LRRC4B: variants seen among roughly 807,000 people sequenced by gnomAD.
LRRC4B encodes the protein leucine rich repeat containing 4B.
In LRRC4B, 1 loss-of-function variant was observed where a neutral mutation model predicts 7.3. That is an observed-to-expected ratio of 0.14 (90% CI 0.05 to 0.65). LRRC4B has a LOEUF of 0.65. Ranked by LOEUF, LRRC4B falls within the 30% of genes least tolerant of loss-of-function variation. The pLI is 0.84. For synonymous variants in LRRC4B, 500 were observed against 499.2 expected (o/e 1.00, Z -0.02); for missense variants, 730 against 1,041.6 (o/e 0.70, Z 4.12).
intron 1 of LRRC4B, among the ~76,000 whole-genome samples, chr19:50,551,638 C>T (rs1032987709): frequency 1.4e-5 from 2 of 146,242 alleles, no homozygotes; most frequent in South Asian, 2.3e-4. Context: ...TTGCCTCCCT[C>T]GGGACCCCCA....
Position 50,555,016 on chromosome 19 carries a change from C to T in LRRC4B, c.-35-6143G>A, listed in dbSNP as rs929279681. Among the ~76,000 whole-genome samples, 9 of 152,200 alleles carry T rather than the reference C, an allele frequency of 5.9e-5. No homozygotes were observed. Among genetic ancestry groups the T allele is most frequent in the Admixed American group, 6.5e-5 (1 of 15,282 alleles). ...CCCTTCCTCAGCCCCTGCAGTCACC[C>T]GCACTGCACAGGATATCACACGCCC... is the stretch of plus-strand genomic sequence containing the variant. On this transcript the variant is annotated intron_variant, in intron 1 of 2. Coordinates refer to ENST00000652263, the MANE Select transcript of LRRC4B (RefSeq NM_001080457.2). The surrounding 1 kb of genome is among the most constrained non-coding windows in gnomAD (Gnocchi z 5.2).
intron 1 of LRRC4B, among the ~76,000 whole-genome samples, chr19:50,552,222 CA>C (rs1366312659): frequency 1.3e-5 from 2 of 150,672 alleles, no homozygotes; most frequent in South Asian, 2.1e-4. Context: ...TCACACCCCC[CA>C]CTGGGTCTAG....
intron 2 of LRRC4B, among the ~76,000 whole-genome samples, chr19:50,535,906 G>A: frequency 6.6e-6 from 1 of 152,228 alleles, no homozygotes; most frequent in Non-Finnish European, 1.5e-5. Flanking sequence ...GAACCTGGGT[G>A]TAAACAACAA....
chr19:50,548,839 C>A lies in LRRC4B; in HGVS notation c.-1G>T. On this transcript the variant is annotated 5_prime_UTR_variant, in exon 2 of 3. Coordinates refer to ENST00000652263, the MANE Select transcript of LRRC4B (RefSeq NM_001080457.2). The surrounding 1 kb of genome is among the most constrained non-coding windows in gnomAD (Gnocchi z 6.8). ...ACGGGGAGCCGCGGGCACGCGCCAT[C>A]CTCAATGTTCATGCTCCGCGTGGAC... The A allele has an allele frequency of 6.8e-7, 1 of 1,468,968 alleles. No homozygotes were observed. Among genetic ancestry groups the A allele is most frequent in the Non-Finnish European group, 9.0e-7 (1 of 1,115,574 alleles). The allele number at this position is 1,468,968 out of a possible 1,614,324, so 91.0% of individuals were successfully genotyped here. A position where few individuals can be genotyped will look rare whatever the true frequency, so the allele number is the denominator to read the frequency against.
chr19:50,537,670 C>T lies in LRRC4B; in HGVS notation c.297+10872G>A, dbSNP rs573711973. ...TTTAACAGGTGTGAGCCACCGCGCC[C>T]GGCCGACTGTTCTTTTCTGTAAGTG... On this transcript the variant is annotated intron_variant, in intron 2 of 2. Transcript: ENST00000652263. The surrounding 1 kb of genome is among the most constrained non-coding windows in gnomAD (Gnocchi z 5.5). Among the ~76,000 whole-genome samples the T allele has an allele frequency of 1.1e-3, 163 of 152,280 alleles. 1 individual carries two copies. The highest frequency in any genetic ancestry group is 3.7e-3 in the African/African-American group (153 of 41,554).
At chr19:50,564,739 A>G (rs969512342) in intron 1 of LRRC4B, among the ~76,000 whole-genome samples, 16 of 151,876 alleles carry the variant, frequency 1.1e-4, no homozygotes, top group Non-Finnish European at 2.9e-5. Flanking sequence ...AAATGCAGGG[A>G]GAGAGGATGG....
intron 2 of LRRC4B, among the ~76,000 whole-genome samples, chr19:50,522,878 T>C (rs1150922): frequency 0.15 from 23,106 of 152,262 alleles, 2,418 homozygotes; most frequent in East Asian, 0.53. Flanking sequence ...ATAAAACCTA[T>C]ACTATCTATT....
At position 50,530,939 on chromosome 19, in the gene LRRC4B, G is replaced by T. The variant is rs969362385; in HGVS notation, c.298-11524C>A. On this transcript the variant is annotated intron_variant, in intron 2 of 2. Coordinates refer to ENST00000652263, the MANE Select transcript of LRRC4B (RefSeq NM_001080457.2). ...TTTTAGTAGAAACCTGGGGGGGGGG[G>T]GTCTCTCTATGTTGGTCAGGCTGGT... Among the ~76,000 whole-genome samples the T allele has an allele frequency of 5.4e-5, 8 of 148,738 alleles. No individual in the cohort carries two copies. The East Asian group carries it at 6.0e-4, about 11-fold the overall frequency.
rs1981352352 is a variant in LRRC4B, at chr19:50,537,773, T to G, written c.297+10769A>C. ...AATCCTATTTGAAAAGGGTAGAAACTGAGGCTCGGAGTGGTGACAAGGATT... is the reference window on the plus strand; with the variant it reads ...AATCCTATTTGAAAAGGGTAGAAACGGAGGCTCGGAGTGGTGACAAGGATT... On this transcript the variant is annotated intron_variant, in intron 2 of 2. Coordinates refer to ENST00000652263, the MANE Select transcript of LRRC4B (RefSeq NM_001080457.2). This position sits in a 1 kb window ranked among gnomAD's most constrained non-coding sequence, Gnocchi z 5.5. Among the ~76,000 whole-genome samples, 1 of 152,078 alleles carries G rather than the reference T, an allele frequency of 6.6e-6. No homozygotes were observed. The highest frequency in any genetic ancestry group is 2.1e-4 in the South Asian group (1 of 4,818).
chr19:50,518,947 G>A lies in LRRC4B; in HGVS notation c.766C>T (p.Arg256Cys), dbSNP rs748473705. ...PGSFQGLTSL[R>C]KLWLMHAQVA... is the part of the protein sequence containing the mutation. ...TGGGCGTGCATGAGCCACAGCTTGC[G>A]CAGGCTGGTGAGACCCTGGAAGGAG... The change falls in exon 3 of 3, where the codon CGC becomes TGC. Residue 256 changes from arginine to cysteine, a missense_variant. Around this residue, in one of 6 missense-constraint regions of LRRC4B, gnomAD observed 226 missense variants for 448.0 expected, o/e 0.50. Transcript: ENST00000652263. 2 of 1,613,898 alleles carry A rather than the reference G, an allele frequency of 1.2e-6. No homozygotes were observed. The highest frequency in any genetic ancestry group is 1.1e-5 in the South Asian group (1 of 91,082).
chr19:50,549,363 G>A (rs1981955877), intron 1 of LRRC4B, among the ~76,000 whole-genome samples: 1 of 152,186 alleles, frequency 6.6e-6, no homozygotes, highest in African/African-American at 2.4e-5. Context: ...CTTGCCACCT[G>A]CGTGATCACC....
rs1259102177 is a variant in LRRC4B at position 50,563,679 on chromosome 19, A to G, written c.-36+4265T>C. Among the ~76,000 whole-genome samples, 1 of 152,206 alleles carries G rather than the reference A, an allele frequency of 6.6e-6. No individual in the cohort carries two copies. Among genetic ancestry groups the G allele is most frequent in the Non-Finnish European group, 1.5e-5 (1 of 68,020 alleles). On this transcript the variant is annotated intron_variant, in intron 1 of 2. Coordinates refer to ENST00000652263, the MANE Select transcript of LRRC4B (RefSeq NM_001080457.2). The surrounding 1 kb of genome is among the most constrained non-coding windows in gnomAD (Gnocchi z 4.9). ...GGCTGTGATGCCACATGCTGGGGAC[A>G]AGAGTGTGGGGTCTGTGGCCCACCC...
chr19:50,562,449 T>C (rs2122932039), intron 1 of LRRC4B, among the ~76,000 whole-genome samples: 1 of 152,318 alleles, frequency 6.6e-6, no homozygotes, highest in Non-Finnish European at 1.5e-5. Flanking sequence ...ATGCTCTCAA[T>C]CAGTTAGCTA....
chr19:50,540,445 C>G (rs571017341), intron 2 of LRRC4B, among the ~76,000 whole-genome samples: 17 of 152,274 alleles, frequency 1.1e-4, no homozygotes, highest in Non-Finnish European at 1.9e-4. Context: ...ACACTACAAC[C>G]TCCGCCTCTC....
rs1312169854 is a variant in LRRC4B at position 50,517,659 on chromosome 19, C to T, written c.2054G>A (p.Gly685Asp). Reference sequence around the variant, plus strand: ...GGAGTTGAGGCCAGGCGGGCCTTTGCCCCCGCAGCCCCCGCCGCTGGGGTT... The same window carrying T: ...GGAGTTGAGGCCAGGCGGGCCTTTGTCCCCGCAGCCCCCGCCGCTGGGGTT... ...SSNPSGGGCG[G>D]KGPPGLNSIH... The change falls in exon 3 of 3, where the codon GGC becomes GAC. Residue 685 changes from glycine (G) to aspartate (D), a missense_variant. Coordinates refer to ENST00000652263, the MANE Select transcript of LRRC4B (RefSeq NM_001080457.2). The surrounding 1 kb of genome is among the most constrained non-coding windows in gnomAD (Gnocchi z 6.6). 3 of 1,511,866 alleles carry T rather than the reference C, an allele frequency of 2.0e-6. No homozygotes were observed. The highest frequency in any genetic ancestry group is 1.8e-6 in the Non-Finnish European group (2 of 1,134,290). The allele number at this position is 1,511,866 out of a possible 1,614,324, so 93.7% of individuals were successfully genotyped here.
chr19:50,543,600 T>G (rs536092795), intron 2 of LRRC4B, among the ~76,000 whole-genome samples: 1 of 151,368 alleles, frequency 6.6e-6, no homozygotes, highest in Non-Finnish European at 1.5e-5. Context: ...ACCTGTAATC[T>G]CAGCACTTTG....
chr19:50,536,882 G>T (rs954678611), intron 2 of LRRC4B, among the ~76,000 whole-genome samples: 1 of 152,150 alleles, frequency 6.6e-6, no homozygotes, highest in Non-Finnish European at 1.5e-5. Flanking sequence ...AGCTGGGAGC[G>T]CCAGGCATAC....
chr19:50,545,234 C>G (rs981704442), intron 2 of LRRC4B, among the ~76,000 whole-genome samples: 1 of 151,686 alleles, frequency 6.6e-6, no homozygotes, highest in African/African-American at 2.4e-5. Context: ...ATGGAGAAAC[C>G]CTGTCTCTAC....
intron 1 of LRRC4B, among the ~76,000 whole-genome samples, chr19:50,560,263 T>C (rs1982422274): frequency 1.3e-5 from 2 of 152,270 alleles, no homozygotes; most frequent in South Asian, 4.1e-4. Flanking sequence ...AGTGCCCATC[T>C]CACTCCTATA....
Sources: gnomAD v4.1 joint callset for allele counts (sites outside exome capture counted in the v4.1 genomes callset) on GRCh38, gnomAD v4.1.1 for gene constraint, gnomAD v4.1.1 regional missense constraint, Gnocchi (gnomAD v3.1) non-coding constraint, MANE v1.5 for transcripts, NCBI Gene and HGNC (gene_info 2026-07-23, HGNC 2026-07-21) for gene names.